Variants in MAP3K5 observed in about 807,000 individuals in gnomAD.
MAP3K5 encodes ASK-1.
A neutral mutation model predicts 158.7 loss-of-function variants in MAP3K5; 56 were observed. The observed-to-expected ratio is 0.35, with a 90% CI of 0.28 to 0.44. The LOEUF (loss-of-function observed/expected upper bound fraction) is 0.44. Ranked by LOEUF, MAP3K5 falls within the 20% of genes least tolerant of loss-of-function variation. The probability of loss-of-function intolerance (pLI) is 1.00; values close to 1 mark genes in which losing one functional copy is unlikely to be tolerated. For missense variants in MAP3K5, 1,294 were observed against 1,674.8 expected (o/e 0.77, Z 3.97); for synonymous variants, 579 against 601.7 (o/e 0.96, Z 0.55).
chr6:136,776,561 C>T (rs1351834973), intron 1 of MAP3K5, among the ~76,000 whole-genome samples: 1 of 152,144 alleles, frequency 6.6e-6, no homozygotes, highest in Non-Finnish European at 1.5e-5. Flanking sequence ...AAGGTTTAAT[C>T]TTCTTAAAGA....
rs1429691812 is a variant in MAP3K5, at chr6:136,791,723, G to A, written c.435C>T (p.Arg145=). 7 of 1,613,114 alleles carry A rather than the reference G, an allele frequency of 4.3e-6. No individual in the cohort carries two copies. The Admixed American group carries it at 1.0e-4, about 23-fold the overall frequency. ...TCACACACGCACCTGCATTGTAAAA[G>A]CGGTCCAGCACGGTGGTTTCTCCAA... ...LDFGETTVLD[R]FYNADIAVVE... The change falls in exon 1 of 30, where the codon CGC becomes CGT. Residue 145 remains arginine (R), a synonymous_variant. Coordinates refer to ENST00000359015, the MANE Select transcript of MAP3K5 (RefSeq NM_005923.4).
intron 1 of MAP3K5, among the ~76,000 whole-genome samples, chr6:136,731,739 A>C (rs967499346): frequency 6.6e-6 from 1 of 152,230 alleles, no homozygotes; most frequent in Non-Finnish European, 1.5e-5. Context: ...ACAGAACAAA[A>C]GGTGCTGAAT....
At chr6:136,661,981 A>AT (rs1779025643) in intron 8 of MAP3K5, among the ~76,000 whole-genome samples, 1 of 152,244 alleles carries the variant, frequency 6.6e-6, no homozygotes. Context: ...TAAAATGTAT[A>AT]TTTTTGATGT....
intron 13 of MAP3K5, 68 bp from the exon 14 acceptor site, chr6:136,637,474 A>C: frequency 5.3e-6 from 5 of 950,718 alleles, no homozygotes; most frequent in South Asian, 1.3e-5. Flanking sequence ...AGTACATCTC[A>C]AAGTGACTTC....
At chr6:136,675,366 C>T (rs1458067262) in intron 7 of MAP3K5, among the ~76,000 whole-genome samples, 1 of 152,042 alleles carries the variant, frequency 6.6e-6, no homozygotes, top group Non-Finnish European at 1.5e-5. Context: ...GAACACTACA[C>T]CTAACAACTG....
intron 18 of MAP3K5, among the ~76,000 whole-genome samples, chr6:136,606,631 T>C (rs1379557669): frequency 6.6e-6 from 1 of 152,214 alleles, no homozygotes; most frequent in African/African-American, 2.4e-5. Flanking sequence ...TATCACCGCA[T>C]ACCCTGCTTC....
intron 1 of MAP3K5, among the ~76,000 whole-genome samples, chr6:136,777,984 T>C (rs1784465598): frequency 6.6e-6 from 1 of 152,214 alleles, no homozygotes; most frequent in South Asian, 2.1e-4. Context: ...CCTAGATTTT[T>C]TCACAAGCTG....
chr6:136,572,944 T>C (rs191565655), intron 25 of MAP3K5, among the ~76,000 whole-genome samples: 37 of 152,348 alleles, frequency 2.4e-4, no homozygotes, highest in Admixed American at 1.7e-3. Context: ...CACAAATTAA[T>C]ACAGCTACAA....
At position 136,792,308 on chromosome 6, in the gene MAP3K5, C is replaced by A; in HGVS notation, c.-151G>T. 9.6e-7 allele frequency: 1 copy of A among 1,036,442 alleles called. No homozygotes were observed. The highest frequency in any genetic ancestry group is 4.4e-5 in the South Asian group (1 of 22,714). 64.2% of individuals were successfully genotyped at this position (1,036,442 alleles called of 1,614,324 possible). The stretch of plus-strand genomic sequence containing the variant: ...CGCCGCGCCGCCGCCTCCTCTCCGG[C>A]GCCCTCTCCCCCGAGGGCACGCCGC... On this transcript the variant is annotated 5_prime_UTR_variant, in exon 1 of 30. Transcript: ENST00000359015. This position sits in a 1 kb window ranked among gnomAD's most constrained non-coding sequence, Gnocchi z 5.7.
chr6:136,639,473 G>T, intron 13 of MAP3K5, 70 bp downstream of exon 13: 1 of 780,874 alleles, frequency 1.3e-6, no homozygotes, highest in Non-Finnish European at 2.1e-6. Flanking sequence ...GGAGGTACAT[G>T]TTCACTCATT....
chr6:136,720,820 C>T (rs2114780865), intron 1 of MAP3K5, among the ~76,000 whole-genome samples: 1 of 152,326 alleles, frequency 6.6e-6, no homozygotes, highest in South Asian at 2.1e-4. Flanking sequence ...TGCTCTGTCA[C>T]CCAGACTGGA....
intron 1 of MAP3K5, among the ~76,000 whole-genome samples, chr6:136,769,616 G>A (rs1784094077): frequency 6.7e-6 from 1 of 150,172 alleles, no homozygotes; most frequent in Non-Finnish European, 1.5e-5. Flanking sequence ...AGGGAAGAGG[G>A]AAGCCCACCA....
At position 136,792,172 on chromosome 6, in the gene MAP3K5, C is replaced by A; in HGVS notation, c.-15G>T. 6.5e-7 allele frequency: 1 copy of A among 1,537,718 alleles called. No individual in the cohort carries two copies. The highest frequency in any genetic ancestry group is 8.7e-7 in the Non-Finnish European group (1 of 1,145,502). ...TCCGTGCTCATCTCTCCGGGCCGGG[C>A]AGCAACGGCGGCGGCGTCCCCCGCC... On this transcript the variant is annotated 5_prime_UTR_variant, in exon 1 of 30. Transcript: ENST00000359015. The surrounding 1 kb of genome is among the most constrained non-coding windows in gnomAD (Gnocchi z 5.7).
intron 6 of MAP3K5, among the ~76,000 whole-genome samples, chr6:136,695,291 C>T (rs914474433): frequency 6.6e-6 from 1 of 151,982 alleles, no homozygotes; most frequent in Non-Finnish European, 1.5e-5. Context: ...GTGCACACTG[C>T]CACACCTGGC....
At chr6:136,677,198 C>T (rs1487522991) in intron 7 of MAP3K5, among the ~76,000 whole-genome samples, 5 of 126,292 alleles carry the variant, frequency 4.0e-5, no homozygotes, top group African/African-American at 9.4e-5. Flanking sequence ...AGTGTAGTGG[C>T]GCAATCTCGG....
At chr6:136,621,220 A>G (rs1293783280) in intron 15 of MAP3K5, among the ~76,000 whole-genome samples, 1 of 152,104 alleles carries the variant, frequency 6.6e-6, no homozygotes, top group Non-Finnish European at 1.5e-5. Flanking sequence ...GTCTACTAAT[A>G]AGCCATCAAA....
At chr6:136,783,324 C>T (rs1784698929) in intron 1 of MAP3K5, among the ~76,000 whole-genome samples, 1 of 108,994 alleles carries the variant, frequency 9.2e-6, no homozygotes, top group Non-Finnish European at 2.2e-5. Context: ...ATCAGAGTCA[C>T]CAATGGATTT....
intron 7 of MAP3K5, among the ~76,000 whole-genome samples, chr6:136,676,238 T>C (rs571867166): frequency 6.6e-6 from 1 of 152,378 alleles, no homozygotes; most frequent in East Asian, 1.9e-4. Flanking sequence ...CAGGTGATTA[T>C]GAAATACTTG....
chr6:136,718,965 C>T (rs1583472249), intron 2 of MAP3K5, among the ~76,000 whole-genome samples: 1 of 152,076 alleles, frequency 6.6e-6, no homozygotes, highest in African/African-American at 2.4e-5. Flanking sequence ...CGCTTGAACC[C>T]AGGAGTTCAA....
Sources: gnomAD v4.1 joint callset for allele counts (sites outside exome capture counted in the v4.1 genomes callset) on GRCh38, gnomAD v4.1.1 for gene constraint, Gnocchi (gnomAD v3.1) non-coding constraint, MANE v1.5 for transcripts, NCBI Gene and HGNC (gene_info 2026-07-23, HGNC 2026-07-21) for gene names.